TRIM44: variants seen among roughly 807,000 people sequenced by gnomAD.
TRIM44 encodes the protein tripartite motif containing 44.
In TRIM44, 13 loss-of-function variants were observed where a neutral mutation model predicts 37.4. The observed-to-expected ratio is 0.35, with a 90% CI of 0.23 to 0.55. The LOEUF is 0.55. Among genes scored for constraint, TRIM44 ranks in the 20% least tolerant of loss-of-function variants. The pLI is 0.89. For synonymous variants in TRIM44, 175 were observed against 157.2 expected (o/e 1.11, Z -0.85); for missense variants, 426 against 437.2 (o/e 0.97, Z 0.23).
chr11:35,747,451 G>T (rs1190215008), intron 4 of TRIM44, among the ~76,000 whole-genome samples: 1 of 152,138 alleles, frequency 6.6e-6, no homozygotes, highest in Non-Finnish European at 1.5e-5. Context: ...ATCTATCAGG[G>T]TTAAAATTCT....
intron 4 of TRIM44, among the ~76,000 whole-genome samples, chr11:35,754,651 C>T (rs773068793): frequency 1.5e-5 from 2 of 131,606 alleles, no homozygotes; most frequent in Non-Finnish European, 3.2e-5. Context: ...GCTATCCCTC[C>T]CCCTCCCCCC....
intron 4 of TRIM44, among the ~76,000 whole-genome samples, chr11:35,765,511 A>G (rs1440955655): frequency 6.6e-6 from 1 of 152,220 alleles, no homozygotes; most frequent in African/African-American, 2.4e-5. Flanking sequence ...TAGAGAATGG[A>G]CATCCTAATG....
chr11:35,788,252 G>T (rs1853155201), intron 4 of TRIM44, among the ~76,000 whole-genome samples: 1 of 152,166 alleles, frequency 6.6e-6, no homozygotes, highest in African/African-American at 2.4e-5. Context: ...AAAGAGAAAG[G>T]ATATGGCTAT....
rs139612207 is a variant in TRIM44 at position 35,676,049 on chromosome 11, G to A, written c.670-9210G>A. On this transcript the variant is annotated intron_variant, in intron 1 of 4. Transcript: ENST00000299413. The stretch of plus-strand genomic sequence containing the variant: ...AACAGTCTTTGACCCAGTTGGCTTT[G>A]CAGTCTGTTTTTGAGTCTTAGCTCT... 1.8e-3 allele frequency among the ~76,000 whole-genome samples: 281 copies of A among 152,270 alleles called. 2 individuals are homozygous for A. The highest frequency in any genetic ancestry group is 6.5e-3 in the African/African-American group (270 of 41,552).
rs1851302519 is a variant in TRIM44 at position 35,663,704 on chromosome 11, G to A, written c.593G>A (p.Cys198Tyr). The change falls in exon 1 of 5, where the codon TGT becomes TAT. Residue 198 changes from cysteine to tyrosine, a missense_variant. Coordinates refer to ENST00000299413, the MANE Select transcript of TRIM44 (RefSeq NM_017583.6). ...TGCCAGGAAGATAGGCAGCTCATCT[G>A]TGTCCTGTGTCCAGTCATTGGGGCT... Reference protein sequence around the residue: ...TYCQEDRQLICVLCPVIGAHQ... With the variant: ...TYCQEDRQLIYVLCPVIGAHQ... 1 of 1,614,026 alleles carries A rather than the reference G, an allele frequency of 6.2e-7. No homozygotes were observed. Among genetic ancestry groups the A allele is most frequent in the African/African-American group, 1.3e-5 (1 of 74,906 alleles).
chr11:35,700,005 G>A (rs1042278440), intron 2 of TRIM44, among the ~76,000 whole-genome samples: 51 of 152,242 alleles, frequency 3.3e-4, no homozygotes, highest in African/African-American at 1.2e-3. Context: ...AATCAATATC[G>A]TGAAAATGGC....
intron 4 of TRIM44, among the ~76,000 whole-genome samples, chr11:35,790,137 C>G (rs542586091): frequency 1.3e-5 from 2 of 152,254 alleles, no homozygotes; most frequent in South Asian, 4.1e-4. Context: ...TCTCTTCCCC[C>G]CAGCAAAATT....
intron 2 of TRIM44, among the ~76,000 whole-genome samples, chr11:35,723,948 A>T (rs1170806366): frequency 6.6e-6 from 1 of 152,220 alleles, no homozygotes. Context: ...CATACACTAA[A>T]AATAAAAAGG....
chr11:35,798,606 G>T (rs985592173), intron 4 of TRIM44, among the ~76,000 whole-genome samples: 2 of 152,098 alleles, frequency 1.3e-5, no homozygotes, highest in Admixed American at 6.5e-5. Flanking sequence ...TTTTTCTTTG[G>T]AAATAACTAA....
chr11:35,682,448 GC>G (rs1392373713), intron 1 of TRIM44, among the ~76,000 whole-genome samples: 1 of 152,142 alleles, frequency 6.6e-6, no homozygotes, highest in Non-Finnish European at 1.5e-5. Flanking sequence ...TCTTGCCCCA[GC>G]TCTGCAGCTG....
chr11:35,699,555 C>T (rs912317864), intron 2 of TRIM44, among the ~76,000 whole-genome samples: 1 of 151,982 alleles, frequency 6.6e-6, no homozygotes, highest in African/African-American at 2.4e-5. Flanking sequence ...GACAGGGATG[C>T]CCTCTCTCAC....
At chr11:35,790,722 G>A (rs932551756) in intron 4 of TRIM44, among the ~76,000 whole-genome samples, 3 of 152,148 alleles carry the variant, frequency 2.0e-5, no homozygotes, top group African/African-American at 7.2e-5. Flanking sequence ...CTCCCAGGAG[G>A]GGCAGATTTC....
At chr11:35,776,516 G>A (rs1179840583) in intron 4 of TRIM44, among the ~76,000 whole-genome samples, 2 of 152,122 alleles carry the variant, frequency 1.3e-5, no homozygotes, top group African/African-American at 4.8e-5. Flanking sequence ...GAATGTGCTT[G>A]CTCTTGCTTC....
Position 35,663,241 on chromosome 11 carries a change from C to A in TRIM44, c.130C>A (p.His44Asn), listed in dbSNP as rs1284931832. 6.2e-7 allele frequency: 1 copy of A among 1,609,002 alleles called. No individual in the cohort carries two copies. The highest frequency in any genetic ancestry group is 8.5e-7 in the Non-Finnish European group (1 of 1,176,272). ...RECGFCYCRR[H>N]AEAHRQKFLS... ...ATGCGGCTTCTGCTACTGCCGCCGC[C>A]ATGCCGAGGCGCACAGGCAGAAGTT... The change falls in exon 1 of 5, where the codon CAT becomes AAT. Residue 44 changes from histidine to asparagine, a missense_variant. By Grantham distance (68) the His-to-Asn change is moderately conservative (BLOSUM62 1). Around this residue, in one of 2 missense-constraint regions of TRIM44, gnomAD observed 331 missense variants for 303.0 expected, o/e 1.09. Transcript: ENST00000299413.
At chr11:35,668,648 A>G (rs932942142) in intron 1 of TRIM44, among the ~76,000 whole-genome samples, 3 of 152,216 alleles carry the variant, frequency 2.0e-5, no homozygotes, top group African/African-American at 7.2e-5. Context: ...TGTCTTAGCT[A>G]TTGTGAATAG....
intron 4 of TRIM44, among the ~76,000 whole-genome samples, chr11:35,782,300 A>G (rs1853077246): frequency 6.6e-6 from 1 of 152,178 alleles, no homozygotes; most frequent in Non-Finnish European, 1.5e-5. Flanking sequence ...GTTGGATCCA[A>G]GGGAATGAAA....
chr11:35,715,970 A>G (rs964566427), intron 2 of TRIM44, among the ~76,000 whole-genome samples: 2 of 152,214 alleles, frequency 1.3e-5, no homozygotes, highest in African/African-American at 2.4e-5. Flanking sequence ...CTTATGATCC[A>G]GTCATCTCCC....
chr11:35,758,261 C>A (rs184841543), intron 4 of TRIM44, among the ~76,000 whole-genome samples: 2,133 of 152,282 alleles, frequency 0.014, 32 homozygotes, highest in Non-Finnish European at 0.017. Flanking sequence ...TAATGGCCTT[C>A]TTTGTCTCTT....
chr11:35,758,626 A>G (rs1852680757), intron 4 of TRIM44, among the ~76,000 whole-genome samples: 1 of 152,176 alleles, frequency 6.6e-6, no homozygotes, highest in Non-Finnish European at 1.5e-5. Flanking sequence ...ATGTTTTTGC[A>G]GTGGCTGGTA....
Sources: allele counts gnomAD v4.1 joint callset (sites outside exome capture counted in the v4.1 genomes callset), GRCh38; gene constraint gnomAD v4.1.1; regional missense constraint gnomAD v4.1.1; transcripts MANE v1.5; gene names NCBI Gene and HGNC (gene_info 2026-07-23, HGNC 2026-07-21).